The following KCTD16 variants were observed in gnomAD, a reference collection of about 807,000 sequenced individuals.
KCTD16 encodes the protein BTB/POZ domain-containing protein KCTD16.
In KCTD16, 13 loss-of-function variants were observed where a neutral mutation model predicts 33.2. That is an observed-to-expected ratio of 0.39 (90% CI 0.25 to 0.62). The LOEUF is 0.62. KCTD16 is among the 20% of genes least tolerant of loss of function. The pLI is 0.50. For synonymous variants in KCTD16, 197 were observed against 195.3 expected, an observed-to-expected ratio of 1.01 and a Z score of -0.07; for missense variants, 441 against 525.1, an observed-to-expected ratio of 0.84 and a Z score of 1.57.
At chr5:144,270,995 A>G (rs186462469) in intron 3 of KCTD16, among the ~76,000 whole-genome samples, 2 of 152,134 alleles carry the variant, frequency 1.3e-5, no homozygotes, top group Admixed American at 1.3e-4. Flanking sequence ...TTGATTATAC[A>G]TATAACTAGT....
At chr5:144,207,638 A>G (rs1254651856) in intron 3 of KCTD16, 92 bp downstream of exon 3, 3 of 921,082 alleles carry the variant, frequency 3.3e-6, no homozygotes, top group African/African-American at 1.7e-5. Flanking sequence ...CCTAAGGAAC[A>G]TGGTTTGGAA....
chr5:144,344,029 G>T (rs1340403179), intron 3 of KCTD16, among the ~76,000 whole-genome samples: 1 of 152,112 alleles, frequency 6.6e-6, no homozygotes, highest in East Asian at 1.9e-4. Flanking sequence ...CAATGGAACA[G>T]AACAGAGCCC....
chr5:144,276,894 C>A (rs1406786340), intron 3 of KCTD16, among the ~76,000 whole-genome samples: 3 of 144,122 alleles, frequency 2.1e-5, no homozygotes, highest in East Asian at 4.0e-4. Context: ...CAGAGTGAAA[C>A]CCTGTCTAAA....
At chr5:144,387,683 G>A (rs530591833) in intron 3 of KCTD16, among the ~76,000 whole-genome samples, 27 of 152,188 alleles carry the variant, frequency 1.8e-4, no homozygotes, top group Non-Finnish European at 3.8e-4. Context: ...TCAGGAGTGT[G>A]AGAATTTATG....
intron 2 of KCTD16, among the ~76,000 whole-genome samples, chr5:144,202,204 A>G (rs1437321699): frequency 6.6e-6 from 1 of 152,160 alleles, no homozygotes; most frequent in East Asian, 1.9e-4. Context: ...GTGCCATCCC[A>G]CAGTGTTTCA....
intron 2 of KCTD16, among the ~76,000 whole-genome samples, chr5:144,180,458 A>G (rs531918808): frequency 6.6e-6 from 1 of 152,310 alleles, no homozygotes; most frequent in South Asian, 2.1e-4. Flanking sequence ...AAACAAACAA[A>G]CAAACAAAAA....
At chr5:144,470,927 T>G (rs1421480034) in intron 3 of KCTD16, among the ~76,000 whole-genome samples, 19 of 152,266 alleles carry the variant, frequency 1.2e-4, no homozygotes, top group African/African-American at 4.6e-4. Context: ...ACACCTATAA[T>G]CCCAGCACTT....
chr5:144,397,009 T>C (rs888479087), intron 3 of KCTD16, among the ~76,000 whole-genome samples: 1 of 151,192 alleles, frequency 6.6e-6, no homozygotes, highest in Non-Finnish European at 1.5e-5. Context: ...GTGCCATGTT[T>C]GTGTGCTGCA....
intron 3 of KCTD16, among the ~76,000 whole-genome samples, chr5:144,344,246 C>T (rs916595959): frequency 3.0e-4 from 45 of 152,060 alleles, no homozygotes; most frequent in Non-Finnish European, 5.0e-4. Flanking sequence ...TACCTAAAAC[C>T]GTAACAATCC....
chr5:144,289,370 T>C (rs2126860916), intron 3 of KCTD16, among the ~76,000 whole-genome samples: 1 of 152,206 alleles, frequency 6.6e-6, no homozygotes, highest in Middle Eastern at 3.4e-3. Context: ...AGGACTGAGG[T>C]TTAAAACAGT....
intron 2 of KCTD16, among the ~76,000 whole-genome samples, chr5:144,177,303 G>A (rs1308311033): frequency 1.3e-5 from 2 of 152,212 alleles, no homozygotes; most frequent in East Asian, 1.9e-4. Flanking sequence ...TTATACTGCT[G>A]TTGAGGAATG....
chr5:144,418,259 C>T (rs142182189), intron 3 of KCTD16, among the ~76,000 whole-genome samples: 29 of 152,182 alleles, frequency 1.9e-4, no homozygotes, highest in Admixed American at 5.9e-4. Context: ...GCTTCCACAG[C>T]GTGGAAGGAG....
chr5:144,266,555 T>C (rs1755146069), intron 3 of KCTD16, among the ~76,000 whole-genome samples: 4 of 152,210 alleles, frequency 2.6e-5, no homozygotes. Flanking sequence ...AGCCTGAGAA[T>C]CTAATGGGCT....
At chr5:144,444,413 T>C (rs571874154) in intron 3 of KCTD16, among the ~76,000 whole-genome samples, 13 of 152,078 alleles carry the variant, frequency 8.5e-5, no homozygotes, top group Non-Finnish European at 1.6e-4. Flanking sequence ...TCTTAACACC[T>C]CTTTAGTCAT....
At chr5:144,331,479 A>G (rs1405287059) in intron 3 of KCTD16, among the ~76,000 whole-genome samples, 1 of 152,222 alleles carries the variant, frequency 6.6e-6, no homozygotes, top group Non-Finnish European at 1.5e-5. Context: ...AAGAGATAGT[A>G]GCATAGGTTG....
chr5:144,473,647 G>A lies in KCTD16; in HGVS notation c.833-13G>A. On this transcript the variant is annotated splice_polypyrimidine_tract_variant and intron_variant, in intron 3 of 3. Coordinates refer to ENST00000512467, the MANE Select transcript of KCTD16 (RefSeq NM_020768.4). ...CTGGCATTAATCCTTTGGGTCCTTT[G>A]CTTTCTTTTCAGGTGAGCCTTCCAG... The A allele has an allele frequency of 6.3e-7, 1 of 1,579,448 alleles. No individual in the cohort carries two copies. Among genetic ancestry groups the A allele is most frequent in the Non-Finnish European group, 8.6e-7 (1 of 1,158,026 alleles).
chr5:144,460,122 G>A (rs573025966), intron 3 of KCTD16, among the ~76,000 whole-genome samples: 9 of 152,160 alleles, frequency 5.9e-5, no homozygotes, highest in East Asian at 3.9e-4. Context: ...GTGAGCCACC[G>A]CACCCGGCCT....
intron 3 of KCTD16, among the ~76,000 whole-genome samples, chr5:144,410,437 G>A (rs1269739799): frequency 3.9e-5 from 6 of 152,078 alleles, no homozygotes; most frequent in African/African-American, 1.4e-4. Flanking sequence ...AACCTCATAT[G>A]TAACTAGGAT....
At chr5:144,364,612 GT>G (rs1453227872) in intron 3 of KCTD16, among the ~76,000 whole-genome samples, 1 of 152,236 alleles carries the variant, frequency 6.6e-6, no homozygotes, top group Non-Finnish European at 1.5e-5. Context: ...TATACTGACT[GT>G]TTAATTTATG....
Sources: gnomAD v4.1 joint callset for allele counts (sites outside exome capture counted in the v4.1 genomes callset) on GRCh38, gnomAD v4.1.1 for gene constraint, MANE v1.5 for transcripts, NCBI Gene and HGNC (gene_info 2026-07-23, HGNC 2026-07-21) for gene names.